Variants in SNX14 observed in about 807,000 individuals in gnomAD.
The protein encoded by SNX14 is sorting nexin-14.
A neutral mutation model predicts 133.8 loss-of-function variants in SNX14; 93 were observed. The observed-to-expected ratio is 0.70, with a 90% CI of 0.59 to 0.83. The LOEUF (loss-of-function observed/expected upper bound fraction) is 0.83. SNX14 is among the 40% of genes least tolerant of loss of function. The pLI is 0.00. For synonymous variants in SNX14, 368 were observed against 365.6 expected (o/e 1.01, Z -0.07); for missense variants, 945 against 1,094.9 (o/e 0.86, Z 1.93).
chr6:85,571,546 A>G (rs1367980228), intron 4 of SNX14, among the ~76,000 whole-genome samples: 1 of 152,224 alleles, frequency 6.6e-6, no homozygotes. Flanking sequence ...GTGACCTGAT[A>G]CTTGGTGCTA....
At position 85,593,709 on chromosome 6, in the gene SNX14, A is replaced by T. The variant is rs745683660; in HGVS notation, c.10T>A (p.Trp4Arg). Reference sequence around the variant, plus strand: ...AGCTTCTGCCCCATCGTCCGCACCCAGGGCACCATCTCCGTAACGGCGAGG... The same window carrying T: ...AGCTTCTGCCCCATCGTCCGCACCCTGGGCACCATCTCCGTAACGGCGAGG... MVP[W>R]VRTMGQKLKQ... The change falls in exon 1 of 29, where the codon TGG (tryptophan) becomes AGG (arginine). Residue 4 changes from tryptophan to arginine, a missense_variant. Around this residue, in one of 3 missense-constraint regions of SNX14, gnomAD observed 514 missense variants for 538.8 expected, o/e 0.95. Coordinates refer to ENST00000314673, the MANE Select transcript of SNX14 (RefSeq NM_153816.6). The T allele has an allele frequency of 6.2e-7, 1 of 1,613,598 alleles. No homozygotes were observed. Among genetic ancestry groups the T allele is most frequent in the Non-Finnish European group, 8.5e-7 (1 of 1,179,920 alleles).
chr6:85,559,688 A>G (rs1790907954), intron 6 of SNX14, among the ~76,000 whole-genome samples: 1 of 152,244 alleles, frequency 6.6e-6, no homozygotes, highest in Non-Finnish European at 1.5e-5. Flanking sequence ...CTTCCAGGAT[A>G]GTGACGCAGA....
intron 7 of SNX14, among the ~76,000 whole-genome samples, chr6:85,556,520 G>T (rs1789861700): frequency 6.7e-6 from 1 of 149,214 alleles, no homozygotes; most frequent in South Asian, 2.1e-4. Flanking sequence ...ACCCAGGCTG[G>T]AGTGCAGTGG....
intron 16 of SNX14, 91 bp downstream of exon 16, chr6:85,538,747 C>A: frequency 8.7e-7 from 1 of 1,148,572 alleles, no homozygotes; most frequent in Middle Eastern, 2.1e-4. Flanking sequence ...CACAGTGTTC[C>A]ATTTTTTTCC....
chr6:85,525,429 A>C (rs1029416060), intron 21 of SNX14, among the ~76,000 whole-genome samples: 2 of 152,134 alleles, frequency 1.3e-5, no homozygotes, highest in Non-Finnish European at 2.9e-5. Flanking sequence ...ACAAATTAAC[A>C]ATGATATTCA....
chr6:85,591,252 A>G (rs1398006811), intron 1 of SNX14, among the ~76,000 whole-genome samples: 3 of 152,018 alleles, frequency 2.0e-5, no homozygotes, highest in Non-Finnish European at 2.9e-5. Flanking sequence ...GAATACACAC[A>G]TAAGTTTTTT....
intron 1 of SNX14, among the ~76,000 whole-genome samples, chr6:85,586,733 TTTTTTTTC>T (rs1800984131): frequency 6.6e-6 from 1 of 151,530 alleles, no homozygotes; most frequent in South Asian, 2.1e-4. Flanking sequence ...GGCTCGCTAC[TTTTTTTTC>T]TTTTTTTGGT....
In SNX14 at chr6:85,536,785, T is replaced by C; in HGVS notation, c.1608+7A>G. On this transcript the variant is annotated splice_region_variant and intron_variant, in intron 17 of 28. Coordinates refer to ENST00000314673, the MANE Select transcript of SNX14 (RefSeq NM_153816.6). ...ATAAATAAATCAAATTGATACATTTTACTTACAAAATCATCTTCACCTTCA... is the reference window on the plus strand; with the variant it reads ...ATAAATAAATCAAATTGATACATTTCACTTACAAAATCATCTTCACCTTCA... 1 of 1,606,310 alleles carries C rather than the reference T, an allele frequency of 6.2e-7. No individual in the cohort carries two copies. Among genetic ancestry groups the C allele is most frequent in the Non-Finnish European group, 8.5e-7 (1 of 1,176,882 alleles).
chr6:85,518,865 C>T (rs1775917282), intron 21 of SNX14, among the ~76,000 whole-genome samples: 1 of 152,136 alleles, frequency 6.6e-6, no homozygotes, highest in South Asian at 2.1e-4. Context: ...CTATGCTTTT[C>T]TGTCTTCTAT....
At chr6:85,566,026 T>C (rs773583813) in intron 5 of SNX14, among the ~76,000 whole-genome samples, 1 of 152,318 alleles carries the variant, frequency 6.6e-6, no homozygotes, top group African/African-American at 2.4e-5. Context: ...TCAAAGACGG[T>C]GTTGTTAACT....
In SNX14 at chr6:85,526,232, A is replaced by G; in HGVS notation, c.2001T>C (p.Leu667=). The G allele has an allele frequency of 6.3e-7, 1 of 1,589,410 alleles. No individual in the cohort carries two copies. The part of the protein sequence containing the change: ...REEFQEYLQK[L]LQHPELSNSQ... ...TATTACTCAGTTCTGGATGCTGCAG[A>G]AGTTTCTTGAATGAACAAAAAAAAC... The change falls in exon 21 of 29, where the codon CTT becomes CTC. Residue 667 remains leucine (L), a synonymous_variant. Coordinates refer to ENST00000314673, the MANE Select transcript of SNX14 (RefSeq NM_153816.6).
At chr6:85,582,640 C>T (rs1385319171) in intron 1 of SNX14, among the ~76,000 whole-genome samples, 2 of 152,072 alleles carry the variant, frequency 1.3e-5, no homozygotes, top group African/African-American at 2.4e-5. Context: ...TCAGAGAATA[C>T]TATAAACACA....
At chr6:85,540,076 C>G (rs1215838880) in intron 15 of SNX14, among the ~76,000 whole-genome samples, 1 of 151,976 alleles carries the variant, frequency 6.6e-6, no homozygotes, top group Non-Finnish European at 1.5e-5. Context: ...ATTCTCCTGC[C>G]TCAGTCTCCC....
At position 85,565,417 on chromosome 6, in the gene SNX14, T is replaced by A. The variant is rs748819353; in HGVS notation, c.464A>T (p.Asp155Val). 2 of 1,591,034 alleles carry A rather than the reference T, an allele frequency of 1.3e-6. No homozygotes were observed. Among genetic ancestry groups the A allele is most frequent in the Admixed American group, 3.5e-5 (2 of 56,742 alleles). ...LENFVYPWYR[D>V]VTDDESFVDE... Reference sequence around the variant, plus strand: ...AACAAAGGATTCATCATCTGTCACATCCCTTCAATAAGGAGAAAAACAAAT... The same window carrying A: ...AACAAAGGATTCATCATCTGTCACAACCCTTCAATAAGGAGAAAAACAAAT... The change falls in exon 6 of 29, where the codon GAT (aspartate) becomes GTT (valine). Residue 155 changes from aspartate to valine, a missense_variant and splice_region_variant. By Grantham distance (152) the Asp-to-Val change is radical (BLOSUM62 -3). Transcript: ENST00000314673.
intron 6 of SNX14, among the ~76,000 whole-genome samples, chr6:85,563,857 G>C (rs1301670316): frequency 3.3e-5 from 5 of 151,996 alleles, no homozygotes; most frequent in Admixed American, 2.0e-4. Flanking sequence ...GTGCCATGTT[G>C]GTGTGCTGCA....
intron 1 of SNX14, among the ~76,000 whole-genome samples, chr6:85,583,056 A>G (rs7752436): frequency 0.022 from 3,262 of 151,646 alleles, 113 homozygotes; most frequent in African/African-American, 0.075. Flanking sequence ...CAGCACATCC[A>G]CCATGATCAA....
intron 16 of SNX14, 92 bp from the exon 17 acceptor site, chr6:85,537,016 T>G (rs184679766): frequency 2.2e-5 from 30 of 1,355,500 alleles, no homozygotes; most frequent in Non-Finnish European, 2.7e-5. Context: ...AGAAAAACAG[T>G]TTTGAAAATG....
intron 6 of SNX14, among the ~76,000 whole-genome samples, chr6:85,562,501 T>A (rs532516893): frequency 4.6e-5 from 7 of 152,180 alleles, no homozygotes; most frequent in Admixed American, 1.3e-4. Flanking sequence ...CAATTAACAA[T>A]CTTAGTAGAC....
chr6:85,574,119 C>CAAAAAAAAAA (rs34519767), intron 2 of SNX14, 139 bp downstream of exon 2: 1 of 397,164 alleles, frequency 2.5e-6, no homozygotes. Context: ...CTAAAAAAAA[C>CAAAAAAAAAA]AAAAAAAAAA....
Sources: gnomAD v4.1 joint callset for allele counts (sites outside exome capture counted in the v4.1 genomes callset) on GRCh38, gnomAD v4.1.1 for gene constraint, gnomAD v4.1.1 regional missense constraint, MANE v1.5 for transcripts, NCBI Gene and HGNC (gene_info 2026-07-23, HGNC 2026-07-21) for gene names.